Variants in SIPA1L2 observed in about 807,000 individuals in gnomAD.
SIPA1L2 encodes the protein signal-induced proliferation-associated 1-like protein 2.
A neutral mutation model predicts 163.9 loss-of-function variants in SIPA1L2; 56 were observed. The ratio of observed to expected loss-of-function variants is 0.34; its 90% confidence interval spans 0.28 to 0.43. The LOEUF (loss-of-function observed/expected upper bound fraction) is 0.43, where lower values mean the gene tolerates loss of function less well. SIPA1L2 is among the 20% of genes least tolerant of loss of function. The pLI is 1.00. For missense variants in SIPA1L2, 1,974 were observed against 2,193.5 expected (o/e 0.90, Z 2.00); for synonymous variants, 877 against 865.7 (o/e 1.01, Z -0.23).
At chr1:232,466,140 A>G (rs1011338753) in intron 8 of SIPA1L2, among the ~76,000 whole-genome samples, 1 of 152,198 alleles carries the variant, frequency 6.6e-6, no homozygotes, top group Non-Finnish European at 1.5e-5. Context: ...GGGGCTGGTT[A>G]TCACTGGGAG....
At chr1:232,606,053 T>G (rs1009053664) in intron 1 of SIPA1L2, among the ~76,000 whole-genome samples, 1 of 152,226 alleles carries the variant, frequency 6.6e-6, no homozygotes, top group Non-Finnish European at 1.5e-5. Flanking sequence ...ATAGGCATCT[T>G]TTGTAACAGC....
At chr1:232,513,733 AG>A (rs1667084199) in intron 3 of SIPA1L2, 123 bp downstream of exon 3, 6 of 1,009,358 alleles carry the variant, frequency 5.9e-6, no homozygotes, top group Non-Finnish European at 8.6e-6. Context: ...GAACAAGGTC[AG>A]GCCCAGTGGA....
intron 7 of SIPA1L2, among the ~76,000 whole-genome samples, chr1:232,475,210 C>T (rs957611727): frequency 6.6e-6 from 1 of 152,172 alleles, no homozygotes; most frequent in African/African-American, 2.4e-5. Context: ...CCTACCTCTC[C>T]GACCTCATCA....
intron 3 of SIPA1L2, among the ~76,000 whole-genome samples, chr1:232,508,538 A>G (rs531208842): frequency 1.3e-5 from 2 of 152,218 alleles, no homozygotes; most frequent in South Asian, 2.1e-4. Context: ...CTCTGCTACA[A>G]TGGAAACCAG....
rs868661230 is a variant in SIPA1L2 at position 232,455,599 on chromosome 1, T to C, written c.3095+5288A>G. On this transcript the variant is annotated intron_variant, in intron 10 of 22. Transcript: ENST00000674635. ...GGAAGGCTGAAGCAGGAGAATGGCG[T>C]GAACCCGTGAGGCGGAGCTTGCAGC... Among the ~76,000 whole-genome samples the C allele has an allele frequency of 7.4e-5, 11 of 148,236 alleles. 1 individual carries two copies. The highest frequency in any genetic ancestry group is 4.3e-4 in the South Asian group (2 of 4,696).
intron 3 of SIPA1L2, among the ~76,000 whole-genome samples, chr1:232,512,728 A>G (rs1667035787): frequency 1.3e-5 from 2 of 152,228 alleles, no homozygotes; most frequent in African/African-American, 4.8e-5. Flanking sequence ...TGACAGGTGC[A>G]GCAAACCACC....
chr1:232,493,109 T>G (rs1477654846), intron 4 of SIPA1L2, among the ~76,000 whole-genome samples: 1 of 152,106 alleles, frequency 6.6e-6, no homozygotes, highest in Non-Finnish European at 1.5e-5. Flanking sequence ...GGTTTAAAAG[T>G]GTGTGGCCCT....
chr1:232,541,950 T>TCTCTCC (rs1230822306), intron 2 of SIPA1L2, among the ~76,000 whole-genome samples: 3 of 151,816 alleles, frequency 2.0e-5, no homozygotes, highest in Non-Finnish European at 2.9e-5. Flanking sequence ...TCTCTCTCTC[T>TCTCTCC]CTCTCTGTAT....
chr1:232,402,430 C>T lies in SIPA1L2; in HGVS notation c.4984G>A (p.Glu1662Lys). 1 of 1,613,688 alleles carries T rather than the reference C, an allele frequency of 6.2e-7. No homozygotes were observed. The highest frequency in any genetic ancestry group is 1.7e-5 in the Admixed American group (1 of 60,014). ...SPLTGKVNQL[E>K]LILRQLQTDL... ...GTCTGGAGTTGTCGAAGAATTAATT[C>T]CAGCTGATTGACTTTCCCGGTCAGT... Residue 1662 changes from glutamate (E) to lysine (K), a missense_variant, in exon 22 of 23, where the codon GAA becomes AAA. Physicochemically the swap from Glu to Lys is moderately conservative, Grantham distance 56. Coordinates refer to ENST00000674635, the MANE Select transcript of SIPA1L2 (RefSeq NM_020808.5).
At chr1:232,480,469 TTCA>T (rs749438049) in intron 6 of SIPA1L2, among the ~76,000 whole-genome samples, 2 of 152,190 alleles carry the variant, frequency 1.3e-5, no homozygotes, top group Non-Finnish European at 2.9e-5. Context: ...CATAAAACTG[TTCA>T]TCTTTTGAAA....
At chr1:232,584,622 C>G in intron 1 of SIPA1L2, among the ~76,000 whole-genome samples, 1 of 152,196 alleles carries the variant, frequency 6.6e-6, no homozygotes. Flanking sequence ...TATGCCTTTC[C>G]TCTCATTAAT....
intron 10 of SIPA1L2, among the ~76,000 whole-genome samples, chr1:232,446,576 T>C (rs1049693474): frequency 5.9e-5 from 9 of 152,254 alleles, no homozygotes; most frequent in African/African-American, 2.2e-4. Flanking sequence ...GATATTTTAT[T>C]CTTCAAGAAA....
At chr1:232,584,609 T>G (rs911669163) in intron 1 of SIPA1L2, among the ~76,000 whole-genome samples, 29 of 152,358 alleles carry the variant, frequency 1.9e-4, no homozygotes, top group African/African-American at 6.7e-4. Flanking sequence ...TCAAACAAAT[T>G]TGTATGCCTT....
chr1:232,431,972 T>G (rs562873305), intron 16 of SIPA1L2, among the ~76,000 whole-genome samples: 1 of 152,354 alleles, frequency 6.6e-6, no homozygotes, highest in East Asian at 1.9e-4. Flanking sequence ...GACGCTATAC[T>G]CACACCATCA....
chr1:232,531,306 C>A (rs964566781), intron 2 of SIPA1L2, among the ~76,000 whole-genome samples: 3 of 152,146 alleles, frequency 2.0e-5, no homozygotes, highest in Non-Finnish European at 1.5e-5. Context: ...CCACCCCAAC[C>A]TCCCTAGCTT....
chr1:232,402,560 C>T, intron 21 of SIPA1L2, 87 bp from the exon 22 acceptor site: 2 of 1,131,170 alleles, frequency 1.8e-6, no homozygotes, highest in Non-Finnish European at 2.6e-6. Flanking sequence ...AAAATTATTT[C>T]ATGTGCTTAG....
intron 19 of SIPA1L2, among the ~76,000 whole-genome samples, chr1:232,405,226 G>A (rs1476646556): frequency 6.6e-6 from 1 of 152,250 alleles, no homozygotes; most frequent in East Asian, 1.9e-4. Flanking sequence ...CCTCCTGAGT[G>A]CACCCAGCTA....
At chr1:232,618,554 T>G (rs1301122686) in intron 1 of SIPA1L2, among the ~76,000 whole-genome samples, 1 of 151,178 alleles carries the variant, frequency 6.6e-6, no homozygotes, top group Non-Finnish European at 1.5e-5. Context: ...ATCAGGAGGC[T>G]GAGGCAGGAG....
At chr1:232,466,982 T>C (rs934570599) in intron 8 of SIPA1L2, among the ~76,000 whole-genome samples, 45 of 152,218 alleles carry the variant, frequency 3.0e-4, no homozygotes, top group African/African-American at 1.1e-3. Flanking sequence ...AAGCAATCTT[T>C]GTTTTGTTTT....
Sources: allele counts gnomAD v4.1 joint callset (sites outside exome capture counted in the v4.1 genomes callset), GRCh38; gene constraint gnomAD v4.1.1; transcripts MANE v1.5; gene names NCBI Gene and HGNC (gene_info 2026-07-23, HGNC 2026-07-21).